The following RIT2 variants were observed in gnomAD, a reference collection of about 807,000 sequenced individuals.
RIT2 encodes the protein Ras like without CAAX 2.
A neutral mutation model predicts 23.7 loss-of-function variants in RIT2; 24 were observed. The ratio of observed to expected loss-of-function variants is 1.01; its 90% CI spans 0.73 to 1.43. The LOEUF (loss-of-function observed/expected upper bound fraction) is 1.43, where lower values mean the gene tolerates loss of function less well. RIT2 is among the 40% of genes most tolerant of loss of function. The probability of loss-of-function intolerance (pLI) is 0.00; values close to 1 mark genes in which losing one functional copy is unlikely to be tolerated. For synonymous variants in RIT2, 107 were observed against 91.1 expected (o/e 1.17, Z -0.99); for missense variants, 236 against 266.9 (o/e 0.88, Z 0.81).
chr18:42,814,841 G>A (rs1411298011), intron 4 of RIT2, among the ~76,000 whole-genome samples: 1 of 152,112 alleles, frequency 6.6e-6, no homozygotes, highest in Non-Finnish European at 1.5e-5. Flanking sequence ...CACCTCCACT[G>A]GATCAGGTGC....
In RIT2 at chr18:43,115,560, A is replaced by G. The variant is rs1914049954; in HGVS notation, c.-41T>C. 3.1e-6 allele frequency: 5 copies of G among 1,596,812 alleles called. No individual in the cohort carries two copies. The highest frequency in any genetic ancestry group is 2.2e-5 in the East Asian group (1 of 44,628). ...GGAGGAAAAAAAGAAGGAGAAAGTC[A>G]CCCGTGTCAGGTGCTTGCTCGAATA... is the stretch of plus-strand genomic sequence containing the variant. On this transcript the variant is annotated 5_prime_UTR_variant, in exon 1 of 5. Transcript: ENST00000326695.
At chr18:42,955,436 G>A (rs1342111143) in intron 3 of RIT2, among the ~76,000 whole-genome samples, 1 of 152,148 alleles carries the variant, frequency 6.6e-6, no homozygotes, top group African/African-American at 2.4e-5. Flanking sequence ...CCTCGCTTTG[G>A]TGTTTAAGAT....
intron 4 of RIT2, among the ~76,000 whole-genome samples, chr18:42,788,231 C>T (rs1913965497): frequency 2.0e-5 from 3 of 152,000 alleles, no homozygotes; most frequent in Admixed American, 1.3e-4. Context: ...GAAATATTTG[C>T]TAATATATTG....
Position 43,080,823 on chromosome 18 carries a change from T to A in RIT2, c.103+34594A>T, listed in dbSNP as rs528707700. ...CACTTGCTCTAAGAACAACTTTTAT[T>A]CCTGTTGTGTCCTGTATGCTTTCCA... On this transcript the variant is annotated intron_variant, in intron 1 of 4. Coordinates refer to ENST00000326695, the MANE Select transcript of RIT2 (RefSeq NM_002930.4). Among the ~76,000 whole-genome samples the A allele has an allele frequency of 4.6e-5, 7 of 152,278 alleles. No individual in the cohort carries two copies. In the South Asian group the frequency reaches 1.5e-3, roughly 32 times the overall value.
chr18:42,864,563 A>C (rs1907418187), intron 4 of RIT2, among the ~76,000 whole-genome samples: 1 of 152,176 alleles, frequency 6.6e-6, no homozygotes, highest in South Asian at 2.1e-4. Context: ...CTCTGTCTTC[A>C]TCATTTTGGC....
chr18:42,984,717 T>C (rs1359800030), intron 2 of RIT2, among the ~76,000 whole-genome samples: 1 of 152,094 alleles, frequency 6.6e-6, no homozygotes, highest in Non-Finnish European at 1.5e-5. Flanking sequence ...TATCCACTTA[T>C]GTTTTAAAAA....
At chr18:43,002,646 C>T (rs55703277) in intron 2 of RIT2, among the ~76,000 whole-genome samples, 3,449 of 151,838 alleles carry the variant, frequency 0.023, 139 homozygotes, top group African/African-American at 0.079. Context: ...GATGAGCCAC[C>T]GGGGAGGAAG....
At chr18:42,850,220 G>C (rs1033172434) in intron 4 of RIT2, among the ~76,000 whole-genome samples, 1 of 151,882 alleles carries the variant, frequency 6.6e-6, no homozygotes, top group African/African-American at 2.4e-5. Context: ...GGAATGCTCC[G>C]CTCTTTACCT....
At chr18:43,014,484 G>A (rs535085493) in intron 2 of RIT2, among the ~76,000 whole-genome samples, 1 of 151,736 alleles carries the variant, frequency 6.6e-6, no homozygotes, top group Non-Finnish European at 1.5e-5. Flanking sequence ...TATTTGTGTT[G>A]TGTAAATGCA....
chr18:42,949,608 A>G (rs533608604), intron 3 of RIT2, among the ~76,000 whole-genome samples: 1 of 152,172 alleles, frequency 6.6e-6, no homozygotes, highest in Admixed American at 6.6e-5. Flanking sequence ...TCAGCTATAC[A>G]AGTATGAGAA....
At chr18:43,046,307 GCA>G (rs1026208916) in intron 1 of RIT2, among the ~76,000 whole-genome samples, 2 of 152,168 alleles carry the variant, frequency 1.3e-5, no homozygotes, top group Admixed American at 1.3e-4. Flanking sequence ...TGAAGGATTT[GCA>G]CAGTTTTAGA....
chr18:42,948,632 T>A (rs1909780501), intron 3 of RIT2, among the ~76,000 whole-genome samples: 1 of 152,102 alleles, frequency 6.6e-6, no homozygotes, highest in Non-Finnish European at 1.5e-5. Flanking sequence ...CTAGATGATA[T>A]CTGACTTGTC....
intron 2 of RIT2, among the ~76,000 whole-genome samples, chr18:42,975,648 G>A (rs1156456520): frequency 6.6e-6 from 1 of 152,012 alleles, no homozygotes; most frequent in Admixed American, 6.6e-5. Context: ...TCTGTAGTTG[G>A]GACAACAGTA....
At chr18:42,821,361 A>G (rs16976969) in intron 4 of RIT2, among the ~76,000 whole-genome samples, 6,370 of 152,228 alleles carry the variant, frequency 0.042, 433 homozygotes, top group African/African-American at 0.14. Flanking sequence ...GGTACAAGGT[A>G]GATTCACATG....
At chr18:43,007,949 C>A (rs1344411352) in intron 2 of RIT2, among the ~76,000 whole-genome samples, 1 of 151,596 alleles carries the variant, frequency 6.6e-6, no homozygotes, top group East Asian at 2.0e-4. Context: ...TTTTGCAATT[C>A]TTTATGAATT....
chr18:43,101,335 G>A (rs995888337), intron 1 of RIT2, among the ~76,000 whole-genome samples: 34 of 152,062 alleles, frequency 2.2e-4, no homozygotes, highest in Non-Finnish European at 3.8e-4. Context: ...CTATCTCTTC[G>A]TTAGCAGTGT....
rs112111971 is a variant in RIT2 at position 42,934,933 on chromosome 18, G to A, written c.235-11170C>T. ...TACTACCATTGGAAAACAAAATGAT[G>A]GTAACAGTAACTCAAAATTTCTGGA... On this transcript the variant is annotated intron_variant, in intron 3 of 4. Coordinates refer to ENST00000326695, the MANE Select transcript of RIT2 (RefSeq NM_002930.4). Among the ~76,000 whole-genome samples the A allele has an allele frequency of 6.6e-3, 1,004 of 152,058 alleles. 8 individuals are homozygous for A. Among genetic ancestry groups the A allele is most frequent in the African/African-American group, 0.023 (960 of 41,502 alleles).
intron 1 of RIT2, among the ~76,000 whole-genome samples, chr18:43,060,915 C>G (rs567124156): frequency 4.6e-5 from 7 of 152,038 alleles, no homozygotes; most frequent in Non-Finnish European, 2.9e-5. Context: ...CAGTAGAGAG[C>G]AGATACCCCG....
At chr18:43,074,623 A>G (rs573194822) in intron 1 of RIT2, among the ~76,000 whole-genome samples, 52 of 152,308 alleles carry the variant, frequency 3.4e-4, no homozygotes, top group South Asian at 1.2e-3. Context: ...CATATTCACA[A>G]TAGCAATGAC....
Sources: allele counts gnomAD v4.1 joint callset (sites outside exome capture counted in the v4.1 genomes callset), GRCh38; gene constraint gnomAD v4.1.1; transcripts MANE v1.5; gene names NCBI Gene and HGNC (gene_info 2026-07-23, HGNC 2026-07-21).